Variants in MLH3 observed in about 807,000 individuals in gnomAD.
MLH3 encodes the protein mutL homolog 3.
MLH3 carries 82 observed loss-of-function variants against 122.2 expected under a neutral mutation model. The observed-to-expected ratio is 0.67, with a 90% CI of 0.56 to 0.81. The LOEUF (loss-of-function observed/expected upper bound fraction) is 0.81, where lower values mean the gene tolerates loss of function less well. Ranked by LOEUF, MLH3 falls within the 30% of genes least tolerant of loss-of-function variation. The probability of loss-of-function intolerance (pLI) is 0.00; values close to 1 mark genes in which losing one functional copy is unlikely to be tolerated. For synonymous variants in MLH3, 524 were observed against 599.5 expected (o/e 0.87, Z 1.84); for missense variants, 1,539 against 1,714.5 (o/e 0.90, Z 1.81).
At chr14:75,033,050 C>A (rs1283903574) in intron 7 of MLH3, among the ~76,000 whole-genome samples, 1 of 151,800 alleles carries the variant, frequency 6.6e-6, no homozygotes, top group East Asian at 1.9e-4. Flanking sequence ...GCATACTGGG[C>A]CTTCTGAGCT....
intron 2 of MLH3, among the ~76,000 whole-genome samples, chr14:75,045,721 CT>C (rs372720326): frequency 5.3e-5 from 8 of 152,300 alleles, no homozygotes; most frequent in African/African-American, 1.9e-4. Flanking sequence ...TACTGTGGAT[CT>C]TCCCAACTAT....
chr14:75,048,788 T>C lies in MLH3; in HGVS notation c.868A>G (p.Met290Val), dbSNP rs1594782103. The C allele has an allele frequency of 3.1e-6, 5 of 1,614,012 alleles. No individual in the cohort carries two copies. In the East Asian group the frequency reaches 1.1e-4, roughly 36 times the overall value. The change falls in exon 2 of 13, where the codon ATG (methionine) becomes GTG (valine). Residue 290 changes from methionine (M) to valine (V), a missense_variant. Transcript: ENST00000355774. ...GACCGGTGCCGAAGACTTGAATTCA[T>C]TTGCCTACTGGTGGGACCATTCTTT... ...KPKNGPTSRQ[M>V]NSSLRHRSTP...
At chr14:75,038,896 T>G (rs565392984) in intron 5 of MLH3, among the ~76,000 whole-genome samples, 3 of 151,804 alleles carry the variant, frequency 2.0e-5, no homozygotes, top group African/African-American at 7.3e-5. Context: ...TGGAGTGCAA[T>G]GGTGTGATCT....
chr14:75,039,882 T>TATATATATATAG (rs777236904), intron 5 of MLH3, 29 bp downstream of exon 5: 1 of 603,994 alleles, frequency 1.7e-6, no homozygotes. Flanking sequence ...TATATATATA[T>TATATATATATAG]TTATGAGATT....
At chr14:75,031,916 G>C in intron 8 of MLH3, 152 bp downstream of exon 8, 1 of 675,092 alleles carries the variant, frequency 1.5e-6, no homozygotes, top group East Asian at 2.7e-5. Context: ...TTGAGTGCCT[G>C]CTCCACTACT....
At chr14:75,040,870 T>C (rs1004713876) in intron 4 of MLH3, among the ~76,000 whole-genome samples, 1 of 152,202 alleles carries the variant, frequency 6.6e-6, no homozygotes, top group African/African-American at 2.4e-5. Context: ...ACATTGATTA[T>C]ACATGTTTAA....
intron 9 of MLH3, among the ~76,000 whole-genome samples, chr14:75,027,055 T>C (rs1890673070): frequency 6.6e-6 from 1 of 151,528 alleles, no homozygotes; most frequent in Non-Finnish European, 1.5e-5. Context: ...GCTGAGATCA[T>C]CCCATTGCAC....
At chr14:75,046,179 C>CAAA (rs138141680) in intron 2 of MLH3, among the ~76,000 whole-genome samples, 197 bp downstream of exon 2, 1 of 53,744 alleles carries the variant, frequency 1.9e-5, no homozygotes, top group African/African-American at 6.7e-5. Flanking sequence ...GACTCCGTCT[C>CAAA]AAAAAAAAAA....
At position 75,038,421 on chromosome 14, in the gene MLH3, C is replaced by G. The variant is rs1380288970; in HGVS notation, c.3571-9G>C. 5 of 1,581,416 alleles carry G rather than the reference C, an allele frequency of 3.2e-6. No individual in the cohort carries two copies. Among genetic ancestry groups the G allele is most frequent in the Non-Finnish European group, 4.3e-6 (5 of 1,150,708 alleles). On this transcript the variant is annotated splice_polypyrimidine_tract_variant and intron_variant, in intron 5 of 12. Transcript: ENST00000355774. ...TCTACTTGCTGGAGAACCTGTCAGA[C>G]ATTCAAATAAGTGGTACAACACTAA...
intron 7 of MLH3, 99 bp from the exon 8 acceptor site, chr14:75,032,278 A>C: frequency 2.6e-6 from 2 of 781,660 alleles, no homozygotes; most frequent in Admixed American, 3.7e-5. Context: ...TCTAATGCAA[A>C]GCAGAATGTT....
chr14:75,019,238 C>T (rs1252058035), intron 11 of MLH3: 3 of 405,664 alleles, frequency 7.4e-6, no homozygotes, highest in East Asian at 1.0e-4. Context: ...GGTGAAATCC[C>T]GCCTCTACTA....
chr14:75,037,465 TG>T (rs1215929390), intron 6 of MLH3, among the ~76,000 whole-genome samples: 1 of 152,172 alleles, frequency 6.6e-6, no homozygotes, highest in Non-Finnish European at 1.5e-5. Flanking sequence ...TGGCATACAA[TG>T]GGCACTCAAT....
rs2139595484 is a variant in MLH3, at chr14:75,048,758, G to C, written c.898C>G (p.Pro300Ala). 6.2e-7 allele frequency: 1 copy of C among 1,614,090 alleles called. No homozygotes were observed. Among genetic ancestry groups the C allele is most frequent in the African/African-American group, 1.3e-5 (1 of 75,024 alleles). The part of the protein sequence containing the change: ...MNSSLRHRST[P>A]ELYGIYVINV... ...ATTACATATATGCCATAGAGTTCTG[G>C]GGTAGACCGGTGCCGAAGACTTGAA... The change falls in exon 2 of 13, where the codon CCA (proline) becomes GCA (alanine). Residue 300 changes from proline (P) to alanine (A), a missense_variant. Coordinates refer to ENST00000355774, the MANE Select transcript of MLH3 (RefSeq NM_001040108.2).
rs904773191 is a variant in MLH3 at position 75,016,901 on chromosome 14, C to G, written c.*181G>C. On this transcript the variant is annotated 3_prime_UTR_variant, in exon 13 of 13. Transcript: ENST00000355774. Reference sequence around the variant, plus strand: ...GTCTTTAGGCTTGAATTTCATCTGGCTACTCAACTAGGGGAATCATCTGCT... The same window carrying G: ...GTCTTTAGGCTTGAATTTCATCTGGGTACTCAACTAGGGGAATCATCTGCT... 1 of 668,952 alleles carries G rather than the reference C, an allele frequency of 1.5e-6. No individual in the cohort carries two copies. The highest frequency in any genetic ancestry group is 2.3e-5 in the Admixed American group (1 of 43,368). The allele number at this position is 668,952 out of a possible 1,614,324, so 41.4% of individuals were successfully genotyped here.
At chr14:75,029,133 CAA>C (rs764907881) in intron 9 of MLH3, among the ~76,000 whole-genome samples, 3 of 76,268 alleles carry the variant, frequency 3.9e-5, no homozygotes, top group African/African-American at 1.1e-4. Flanking sequence ...CTGGGCATCG[CAA>C]AAAAAAAAAA....
rs765888651 is a variant in MLH3 at position 75,033,484 on chromosome 14, T to C, written c.3650A>G (p.Asn1217Ser). 1 of 1,613,488 alleles carries C rather than the reference T, an allele frequency of 6.2e-7. No individual in the cohort carries two copies. Among genetic ancestry groups the C allele is most frequent in the Non-Finnish European group, 8.5e-7 (1 of 1,179,538 alleles). ...GTGCTGATCCACCAGCACGAGCAGG[T>C]TCCCACCTAGATGAGCAAGGATTGT... ...KTEENGEAGG[N>S]LLVLVDQHAA... The change falls in exon 7 of 13, where the codon AAC (asparagine) becomes AGC (serine). Residue 1217 changes from asparagine (N) to serine (S), a missense_variant. Asn to Ser is a conservative substitution (Grantham distance 46, BLOSUM62 1). Transcript: ENST00000355774.
At chr14:75,051,163 A>T (rs1234555683) in intron 1 of MLH3, 1 of 152,144 alleles carries the variant, frequency 6.6e-6, no homozygotes, top group Non-Finnish European at 1.5e-5. Flanking sequence ...GCGCGGGCCG[A>T]GTCCGGGGCA....
Position 75,047,312 on chromosome 14 carries a change from G to C in MLH3, c.2344C>G (p.Leu782Val), listed in dbSNP as rs772267556. ...ATGTCAGGTTCAACTTGAAGACTGA[G>C]ATTGGTAGTGACTCCATTACTTTCC... ...VEESNGVTTN[L>V]SLQVEPDILL... The change falls in exon 2 of 13, where the codon CTC (leucine) becomes GTC (valine). Residue 782 changes from leucine (L) to valine (V), a missense_variant. Physicochemically the swap from Leu to Val is conservative, Grantham distance 32 (BLOSUM62 1). Coordinates refer to ENST00000355774, the MANE Select transcript of MLH3 (RefSeq NM_001040108.2). The C allele has an allele frequency of 4.4e-5, 71 of 1,613,940 alleles. No individual in the cohort carries two copies. Among genetic ancestry groups the C allele is most frequent in the Non-Finnish European group, 6.0e-5 (71 of 1,179,938 alleles).
intron 2 of MLH3, among the ~76,000 whole-genome samples, chr14:75,044,098 A>C (rs1217473263): frequency 6.6e-6 from 1 of 152,210 alleles, no homozygotes; most frequent in East Asian, 1.9e-4. Flanking sequence ...TCAAAAAAAA[A>C]AAATTGTCTT....
Sources: gnomAD v4.1 joint callset for allele counts (sites outside exome capture counted in the v4.1 genomes callset) on GRCh38, gnomAD v4.1.1 for gene constraint, MANE v1.5 for transcripts, NCBI Gene and HGNC (gene_info 2026-07-23, HGNC 2026-07-21) for gene names.